Variants in GLIS3 observed in about 807,000 individuals in gnomAD.
GLIS3 encodes GLIS family zinc finger 3.
A neutral mutation model predicts 78.6 loss-of-function variants in GLIS3; 53 were observed. The observed-to-expected ratio is 0.67, with a 90% confidence interval of 0.54 to 0.85. The LOEUF is 0.85. Ranked by LOEUF, GLIS3 falls within the 40% of genes least tolerant of loss-of-function variation. The pLI, the probability that GLIS3 is intolerant of heterozygous loss-of-function variation, is 0.00. For missense variants in GLIS3, 1,703 were observed against 1,231.1 expected (o/e 1.38, Z -5.74); for synonymous variants, 684 against 509.9 (o/e 1.34, Z -4.60).
rs1488082526 is a variant in GLIS3 at position 4,299,922 on chromosome 9, G to A, written c.-600C>T. 6.6e-6 allele frequency: 1 copy of A among 152,118 alleles called. No homozygotes were observed. Among genetic ancestry groups the A allele is most frequent in the African/African-American group, 2.4e-5 (1 of 41,420 alleles). The allele number at this position is 152,118 out of a possible 1,614,324, so 9.4% of individuals were successfully genotyped here. On this transcript the variant is annotated 5_prime_UTR_variant, in exon 1 of 11. Transcript: ENST00000381971. ...ACGGCGTACAGGGGGTCCCGGGAGG[G>A]GCAGTGGCCGCGGCACTCGCCGCCG...
chr9:4,174,566 A>G (rs982878974), intron 2 of GLIS3, among the ~76,000 whole-genome samples: 3 of 152,222 alleles, frequency 2.0e-5, no homozygotes, highest in Non-Finnish European at 2.9e-5. Context: ...TATATATATA[A>G]TCAATTATCT....
chr9:4,113,021 A>T (rs192252874), intron 4 of GLIS3, among the ~76,000 whole-genome samples: 133 of 151,894 alleles, frequency 8.8e-4, no homozygotes, highest in African/African-American at 3.1e-3. Flanking sequence ...TAAATATCAC[A>T]TAATTATTTA....
chr9:4,326,958 T>C (rs1158781845), intron 2 of GLIS3, among the ~76,000 whole-genome samples: 2 of 152,136 alleles, frequency 1.3e-5, no homozygotes, highest in Non-Finnish European at 2.9e-5. Flanking sequence ...CAACACATAC[T>C]TATTGAGTTG....
intron 2 of GLIS3, among the ~76,000 whole-genome samples, chr9:4,180,011 C>T (rs1381761096): frequency 1.3e-5 from 2 of 152,130 alleles, no homozygotes; most frequent in African/African-American, 4.8e-5. Context: ...GCATCACCTT[C>T]TTGGATCTCC....
At chr9:4,325,812 C>G (rs932128907) in intron 2 of GLIS3, among the ~76,000 whole-genome samples, 6 of 152,080 alleles carry the variant, frequency 3.9e-5, no homozygotes, top group African/African-American at 1.2e-4. Flanking sequence ...AGATGCCCAT[C>G]AATGATAGAC....
At chr9:4,448,088 T>A in the GLIS3 span, among the ~76,000 whole-genome samples, 49,303 of 151,990 alleles carry the variant, frequency 0.32, 8,743 homozygotes, top group South Asian at 0.47. Flanking sequence ...CCAGCTTTCC[T>A]TGACTGGTAC....
At chr9:4,459,595 C>G in the GLIS3 span, among the ~76,000 whole-genome samples, 1 of 152,146 alleles carries the variant, frequency 6.6e-6, no homozygotes, top group African/African-American at 2.4e-5. Context: ...GAGACCTCAT[C>G]ACTAGAAAAA....
chr9:4,444,217 G>T, the GLIS3 span, among the ~76,000 whole-genome samples: 32 of 152,092 alleles, frequency 2.1e-4, 1 homozygote, highest in Non-Finnish European at 3.7e-4. Context: ...GACATACAAA[G>T]GCTCTTCTGC....
In GLIS3 at chr9:4,261,394, A is replaced by C. The variant is rs1044172153; in HGVS notation, c.388+24644T>G. Among the ~76,000 whole-genome samples the C allele has an allele frequency of 4.6e-5, 7 of 152,312 alleles. No individual in the cohort carries two copies. The South Asian group carries it at 1.5e-3, about 32-fold the overall frequency. ...GGAAGAAAGGGAGACAGGGGAGGGT[A>C]CAGATTAAGATAAAAAGAGAACAGA... On this transcript the variant is annotated intron_variant, in intron 2 of 10. Coordinates refer to ENST00000381971, the MANE Select transcript of GLIS3 (RefSeq NM_001042413.2).
chr9:4,218,306 T>C (rs10119352), intron 2 of GLIS3, among the ~76,000 whole-genome samples: 149,661 of 152,222 alleles, frequency 0.98, 73,631 homozygotes, highest in South Asian at 1. Context: ...TTTTTTGAGA[T>C]GGAGTCTCGC....
chr9:4,350,604 G>A (rs1035708520), upstream of GLIS3, among the ~76,000 whole-genome samples: 1 of 152,106 alleles, frequency 6.6e-6, no homozygotes, highest in African/African-American at 2.4e-5. Flanking sequence ...GTGGGGATAA[G>A]GAAGACTGAA....
intron 4 of GLIS3, among the ~76,000 whole-genome samples, chr9:4,007,531 C>G (rs1049180015): frequency 2.0e-5 from 3 of 152,034 alleles, no homozygotes; most frequent in Non-Finnish European, 4.4e-5. Context: ...TGGTACTAAC[C>G]ATCTCAGGGA....
At chr9:4,238,961 G>T (rs568724126) in intron 2 of GLIS3, among the ~76,000 whole-genome samples, 1 of 152,138 alleles carries the variant, frequency 6.6e-6, no homozygotes, top group South Asian at 2.1e-4. Flanking sequence ...CCCTGCAGTA[G>T]TTTGCTGAGA....
chr9:4,344,355 T>G (rs1014004492), intron 2 of GLIS3, among the ~76,000 whole-genome samples: 2 of 152,206 alleles, frequency 1.3e-5, no homozygotes, highest in Non-Finnish European at 1.5e-5. Flanking sequence ...TCACCTGCAT[T>G]TGGCATTTGG....
At chr9:4,173,516 CA>C (rs1816552154) in intron 2 of GLIS3, among the ~76,000 whole-genome samples, 1 of 151,432 alleles carries the variant, frequency 6.6e-6, no homozygotes, top group Admixed American at 6.6e-5. Context: ...TAATTAAAGG[CA>C]AGTGTATTAC....
At chr9:4,157,480 G>A (rs1325914596) in intron 2 of GLIS3, among the ~76,000 whole-genome samples, 1 of 152,132 alleles carries the variant, frequency 6.6e-6, no homozygotes, top group East Asian at 1.9e-4. Context: ...GGGGTGGGGA[G>A]CAGAGAGGAA....
chr9:4,384,342 G>GA, the GLIS3 span, among the ~76,000 whole-genome samples: 3 of 149,926 alleles, frequency 2.0e-5, no homozygotes, highest in African/African-American at 7.4e-5. Flanking sequence ...ACCTTCACTG[G>GA]AAAAAAAAAA....
At position 3,848,888 on chromosome 9, in the gene GLIS3, T is replaced by C. The variant is rs1819229459; in HGVS notation, c.2473+7121A>G. ...CTGAGGTAAGAAAATGCCACCATTG[T>C]CTGGGAGCTGACTGGCCTGCTTTAG... On this transcript the variant is annotated intron_variant, in intron 9 of 10. Coordinates refer to ENST00000381971, the MANE Select transcript of GLIS3 (RefSeq NM_001042413.2). Among the ~76,000 whole-genome samples, 4 of 152,322 alleles carry C rather than the reference T, an allele frequency of 2.6e-5. No homozygotes were observed. The South Asian group carries it at 6.2e-4, about 24-fold the overall frequency.
chr9:4,315,782 G>C (rs961409742), intron 2 of GLIS3, among the ~76,000 whole-genome samples: 19 of 152,042 alleles, frequency 1.2e-4, no homozygotes, highest in African/African-American at 4.6e-4. Flanking sequence ...AGAGTGACTT[G>C]GGCCGTCAGT....
Sources: gnomAD v4.1 joint callset for allele counts (sites outside exome capture counted in the v4.1 genomes callset) on GRCh38, gnomAD v4.1.1 for gene constraint, MANE v1.5 for transcripts, NCBI Gene and HGNC (gene_info 2026-07-23, HGNC 2026-07-21) for gene names.